The following PLXDC2 variants were observed in gnomAD, a reference collection of about 807,000 sequenced individuals.
PLXDC2 encodes plexin domain containing 2.
Under a neutral mutation model 68.9 loss-of-function variants are expected in PLXDC2, and 40 were observed. The observed-to-expected ratio is 0.58, with a 90% CI of 0.45 to 0.76. The LOEUF (loss-of-function observed/expected upper bound fraction) is 0.76. PLXDC2 is among the 30% of genes least tolerant of loss of function. The pLI is 0.00. For synonymous variants in PLXDC2, 243 were observed against 234.2 expected, an observed-to-expected ratio of 1.04 and a Z score of -0.34; for missense variants, 644 against 661.9, an observed-to-expected ratio of 0.97 and a Z score of 0.30.
intron 13 of PLXDC2, 79 bp downstream of exon 13, chr10:20,245,584 A>G: frequency 7.0e-7 from 1 of 1,435,042 alleles, no homozygotes; most frequent in Non-Finnish European, 9.5e-7. Context: ...TGGATTTAAT[A>G]TTTACCACAT....
Position 20,283,566 on chromosome 10 carries a change from G to A in PLXDC2, c.*3747G>A, listed in dbSNP as rs529055296. The A allele has an allele frequency of 2.0e-5, 3 of 152,256 alleles. No homozygotes were observed. In the South Asian group the frequency reaches 6.2e-4, roughly 32 times the overall value. The allele number at this position is 152,256 out of a possible 1,614,324, so 9.4% of individuals were successfully genotyped here. Reference sequence around the variant, plus strand: ...GCAAAATTGCTTCAGTTTCTTTTCTGCCCATCTGAATATTTCCTTTAGTAT... The same window carrying A: ...GCAAAATTGCTTCAGTTTCTTTTCTACCCATCTGAATATTTCCTTTAGTAT... On this transcript the variant is annotated 3_prime_UTR_variant, in exon 14 of 14. Transcript: ENST00000377252.
rs970836611 is a variant in PLXDC2, at chr10:20,002,291, C to G, written c.324+305C>G. ...TTTTTTTTTTTGAGATGGAGTATCACTCTTGTCACACAGGCTGGAGTGCAG... is the reference window on the plus strand; with the variant it reads ...TTTTTTTTTTTGAGATGGAGTATCAGTCTTGTCACACAGGCTGGAGTGCAG... On this transcript the variant is annotated intron_variant, in intron 2 of 13. Coordinates refer to ENST00000377252, the MANE Select transcript of PLXDC2 (RefSeq NM_032812.9). Among the ~76,000 whole-genome samples the G allele has an allele frequency of 2.0e-5, 3 of 148,378 alleles. No individual in the cohort carries two copies. The East Asian group carries it at 6.0e-4, about 30-fold the overall frequency.
intron 1 of PLXDC2, among the ~76,000 whole-genome samples, chr10:19,827,757 C>T (rs1836601183): frequency 6.6e-6 from 1 of 152,058 alleles, no homozygotes; most frequent in Non-Finnish European, 1.5e-5. Flanking sequence ...TGGGGTTTCA[C>T]CATGTTGGCC....
intron 3 of PLXDC2, among the ~76,000 whole-genome samples, chr10:20,053,401 G>A (rs538565586): frequency 6.6e-6 from 1 of 152,232 alleles, no homozygotes; most frequent in South Asian, 2.1e-4. Flanking sequence ...CCTACCATAG[G>A]TAAGCAACGA....
chr10:20,236,295 G>A (rs961308673), intron 12 of PLXDC2, among the ~76,000 whole-genome samples: 1 of 151,878 alleles, frequency 6.6e-6, no homozygotes, highest in Non-Finnish European at 1.5e-5. Flanking sequence ...TACAAAAAAA[G>A]TTAGCCAGGA....
intron 1 of PLXDC2, among the ~76,000 whole-genome samples, chr10:19,896,012 G>T: frequency 6.6e-6 from 1 of 152,172 alleles, no homozygotes; most frequent in East Asian, 1.9e-4. Context: ...GCAGGTCAAG[G>T]TCGGGGGGCC....
chr10:20,154,860 T>C (rs1834198138), intron 6 of PLXDC2, among the ~76,000 whole-genome samples: 1 of 151,902 alleles, frequency 6.6e-6, no homozygotes, highest in Admixed American at 6.6e-5. Flanking sequence ...AATAAAAATG[T>C]CATATAATCC....
intron 3 of PLXDC2, among the ~76,000 whole-genome samples, chr10:20,065,220 A>T (rs1836183863): frequency 6.6e-6 from 1 of 152,224 alleles, no homozygotes; most frequent in Non-Finnish European, 1.5e-5. Flanking sequence ...ACCACAGACA[A>T]GAGCTAAGGG....
intron 4 of PLXDC2, among the ~76,000 whole-genome samples, chr10:20,117,086 G>C (rs960420745): frequency 6.6e-6 from 1 of 151,562 alleles, no homozygotes; most frequent in Non-Finnish European, 1.5e-5. Context: ...GAGCGAGATT[G>C]TAGAATATAA....
chr10:19,937,081 G>A (rs923306611), intron 1 of PLXDC2, among the ~76,000 whole-genome samples: 2 of 152,044 alleles, frequency 1.3e-5, no homozygotes, highest in Non-Finnish European at 2.9e-5. Context: ...ACTTAGACCC[G>A]ACCCTCAACA....
rs1390707919 is a variant in PLXDC2, at chr10:20,177,422, TAATA to T, written c.1061+15_1061+18del. 1 of 1,204,408 alleles carries T rather than the reference TAATA, an allele frequency of 8.3e-7. No individual in the cohort carries two copies. Among genetic ancestry groups the T allele is most frequent in the Non-Finnish European group, 1.1e-6 (1 of 898,024 alleles). The allele number at this position is 1,204,408 out of a possible 1,614,324, so 74.6% of individuals were successfully genotyped here. On this transcript the variant is annotated intron_variant, in intron 9 of 13. Transcript: ENST00000377252. The stretch of plus-strand genomic sequence containing the variant: ...GTAAACTTCAAAGGTAAAAATATAA[TAATA>T]AGAATAATAATAAAATTTAAAAAGA...
At chr10:20,008,090 G>C (rs1303181552) in intron 2 of PLXDC2, among the ~76,000 whole-genome samples, 2 of 152,170 alleles carry the variant, frequency 1.3e-5, no homozygotes, top group Non-Finnish European at 2.9e-5. Context: ...TACACTGCCA[G>C]TTGTGTTGGC....
At chr10:20,152,074 A>T (rs1342188416) in intron 6 of PLXDC2, among the ~76,000 whole-genome samples, 1 of 152,108 alleles carries the variant, frequency 6.6e-6, no homozygotes, top group Non-Finnish European at 1.5e-5. Flanking sequence ...TTAGTATTTA[A>T]ATGTGCCAAC....
Position 20,279,984 on chromosome 10 carries a change from G to A in PLXDC2, c.*165G>A. On this transcript the variant is annotated 3_prime_UTR_variant, in exon 14 of 14. Transcript: ENST00000377252. ...GACAAGCTCAGCCCAGGAAACAAAG[G>A]GTAAACAAAAAACTAAAACTTATAC... is the stretch of plus-strand genomic sequence containing the variant. 8.5e-6 allele frequency: 5 copies of A among 584,942 alleles called. No homozygotes were observed. The highest frequency in any genetic ancestry group is 1.9e-5 in the African/African-American group (1 of 53,234). 36.2% of individuals were successfully genotyped at this position (584,942 alleles called of 1,614,324 possible).
intron 1 of PLXDC2, among the ~76,000 whole-genome samples, chr10:19,946,075 T>A (rs1001453350): frequency 3.7e-4 from 57 of 152,280 alleles, no homozygotes; most frequent in African/African-American, 1.3e-3. Context: ...AATATTGAAA[T>A]CACTGTTAAC....
At chr10:19,976,902 C>T (rs1834467085) in intron 1 of PLXDC2, among the ~76,000 whole-genome samples, 1 of 148,352 alleles carries the variant, frequency 6.7e-6, no homozygotes, top group Non-Finnish European at 1.5e-5. Flanking sequence ...CTCTTTTAAT[C>T]CTTCTTTTAT....
chr10:20,003,495 T>A (rs1834976410), intron 2 of PLXDC2, among the ~76,000 whole-genome samples: 1 of 152,126 alleles, frequency 6.6e-6, no homozygotes, highest in South Asian at 2.1e-4. Context: ...TGCAGTGGCA[T>A]GATCTCGGCT....
At chr10:20,043,115 G>C (rs1478346225) in intron 2 of PLXDC2, among the ~76,000 whole-genome samples, 1 of 152,150 alleles carries the variant, frequency 6.6e-6, no homozygotes, top group Non-Finnish European at 1.5e-5. Context: ...GTGCTAAAAT[G>C]TCACATTTTT....
At chr10:20,059,282 T>G (rs1290408088) in intron 3 of PLXDC2, among the ~76,000 whole-genome samples, 1 of 152,128 alleles carries the variant, frequency 6.6e-6, no homozygotes, top group Non-Finnish European at 1.5e-5. Context: ...CTGGACTCTC[T>G]GAATTCTGCC....
Sources: allele counts gnomAD v4.1 joint callset (sites outside exome capture counted in the v4.1 genomes callset), GRCh38; gene constraint gnomAD v4.1.1; transcripts MANE v1.5; gene names NCBI Gene and HGNC (gene_info 2026-07-23, HGNC 2026-07-21).